Variants in NCAPH observed in about 807,000 individuals in gnomAD.
The protein encoded by NCAPH is condensin complex subunit 2.
NCAPH carries 38 observed loss-of-function variants against 85.5 expected under a neutral mutation model. That is an observed-to-expected ratio of 0.44 (90% confidence interval 0.34 to 0.58). NCAPH has a LOEUF of 0.58. Among genes scored for constraint, NCAPH ranks in the 20% least tolerant of loss-of-function variants. The pLI, the probability that NCAPH is intolerant of heterozygous loss-of-function variation, is 0.01. For synonymous variants in NCAPH, 301 were observed against 335.1 expected, an observed-to-expected ratio of 0.90 and a Z score of 1.11; for missense variants, 789 against 916.6, an observed-to-expected ratio of 0.86 and a Z score of 1.80.
intron 6 of NCAPH, 85 bp downstream of exon 6, chr2:96,344,314 G>C: frequency 6.8e-7 from 1 of 1,466,278 alleles, no homozygotes; most frequent in Non-Finnish European, 9.1e-7. Flanking sequence ...CTGCCTTGCT[G>C]GTATGTGCCT....
In NCAPH at chr2:96,366,005, G is replaced by A. The variant is rs1455101412; in HGVS notation, c.1828G>A (p.Gly610Arg). The A allele has an allele frequency of 3.1e-6, 5 of 1,614,086 alleles. No homozygotes were observed. The highest frequency in any genetic ancestry group is 2.7e-5 in the African/African-American group (2 of 74,920). ...QQNGDTPEAQ[G>R]LDITTYGESN... Reference sequence around the variant, plus strand: ...GAATGGTGACACTCCAGAAGCCCAAGGATTAGACATCACAACATATGGGGA... The same window carrying A: ...GAATGGTGACACTCCAGAAGCCCAAAGATTAGACATCACAACATATGGGGA... Residue 610 changes from glycine (G) to arginine (R), a missense_variant, in exon 14 of 18, where the codon GGA (glycine) becomes AGA (arginine). Physicochemically the swap from Gly to Arg is moderately radical, Grantham distance 125. Transcript: ENST00000240423.
chr2:96,345,743 G>GAT (rs911295678), intron 6 of NCAPH, among the ~76,000 whole-genome samples: 6 of 152,172 alleles, frequency 3.9e-5, no homozygotes, highest in African/African-American at 4.8e-5. Context: ...TGGGGAGAGA[G>GAT]ATATATATAG....
chr2:96,341,629 A>G lies in NCAPH; in HGVS notation c.20-13A>G. ...TTCTCTTGAAGGTTTCTTGAGCAAG[A>G]ATTTTGTTCCAGCACTGCCAGCCAC... On this transcript the variant is annotated splice_polypyrimidine_tract_variant and intron_variant, in intron 1 of 17. Transcript: ENST00000240423. 1 of 1,605,376 alleles carries G rather than the reference A, an allele frequency of 6.2e-7. No homozygotes were observed. The highest frequency in any genetic ancestry group is 8.5e-7 in the Non-Finnish European group (1 of 1,174,048).
chr2:96,366,660 C>T (rs1573095413), intron 14 of NCAPH, among the ~76,000 whole-genome samples: 1 of 151,978 alleles, frequency 6.6e-6, no homozygotes. Context: ...GGGCAGATCA[C>T]GATGTCAGGA....
At chr2:96,366,876 C>CAAA (rs928006104) in intron 14 of NCAPH, among the ~76,000 whole-genome samples, 74 of 37,264 alleles carry the variant, frequency 2.0e-3, no homozygotes, top group Non-Finnish European at 2.0e-3. Context: ...GACTCCGTCT[C>CAAA]AAAAAAAAAA....
rs796881318 is a variant in NCAPH at position 96,375,213 on chromosome 2, C to CA, written c.*1873dup. Among the ~76,000 whole-genome samples, 4,055 of 143,564 alleles carry CA rather than the reference C, an allele frequency of 0.028. 148 individuals are homozygous for CA. The highest frequency in any genetic ancestry group is 0.089 in the African/African-American group (3,532 of 39,564). The allele number at this position is 143,564 out of a possible 152,430, so 94.2% of individuals were successfully genotyped here. A position where few individuals can be genotyped will look rare whatever the true frequency, so the allele number is the denominator to read the frequency against. On this transcript the variant is annotated 3_prime_UTR_variant, in exon 18 of 18. Coordinates refer to ENST00000240423, the MANE Select transcript of NCAPH (RefSeq NM_015341.5). ...ACAGAGTGAGATCCTATCTCTTAAACAAAAAAAAAAACTGGCGAGTTCAAT... is the reference window on the plus strand; with the variant it reads ...ACAGAGTGAGATCCTATCTCTTAAACAAAAAAAAAAAACTGGCGAGTTCAAT...
intron 12 of NCAPH, 103 bp from the exon 13 acceptor site, chr2:96,364,378 A>G (rs1330452121): frequency 1.4e-6 from 1 of 734,004 alleles, no homozygotes; most frequent in African/African-American, 1.8e-5. Flanking sequence ...CTAAAATTGT[A>G]TAATTCTAGG....
intron 16 of NCAPH, 123 bp downstream of exon 16, chr2:96,369,186 G>C: frequency 9.3e-7 from 1 of 1,079,718 alleles, no homozygotes; most frequent in Non-Finnish European, 1.3e-6. Flanking sequence ...TTTTCTCTCT[G>C]TGTTGACAGA....
At chr2:96,353,423 G>A (rs1263747589) in intron 8 of NCAPH, 26 bp downstream of exon 8, 1 of 1,597,810 alleles carries the variant, frequency 6.3e-7, no homozygotes, top group South Asian at 1.1e-5. Flanking sequence ...AGTGGCTCAT[G>A]GTTTCAGTTA....
chr2:96,360,478 C>A, intron 11 of NCAPH, 110 bp from the exon 12 acceptor site: 1 of 1,264,914 alleles, frequency 7.9e-7, no homozygotes, highest in South Asian at 1.4e-5. Flanking sequence ...AACTGTGAGA[C>A]TGATGGTAGA....
At position 96,353,390 on chromosome 2, in the gene NCAPH, A is replaced by G. The variant is rs1041846178; in HGVS notation, c.995A>G (p.His332Arg). 3.1e-6 allele frequency: 5 copies of G among 1,613,854 alleles called. No homozygotes were observed. In the African/African-American group the frequency reaches 5.3e-5, roughly 17 times the overall value. ...TTTACACAGTGGGACAGTGAAACAC[A>G]TAATGAGGTGTGGTCAAGTTTTAGT... is the stretch of plus-strand genomic sequence containing the variant. ...FQFTQWDSET[H>R]NESVSALVDK... Residue 332 changes from histidine to arginine, a missense_variant, in exon 8 of 18, where the codon CAT (histidine) becomes CGT (arginine). Coordinates refer to ENST00000240423, the MANE Select transcript of NCAPH (RefSeq NM_015341.5).
chr2:96,371,060 T>C (rs186628933), intron 17 of NCAPH, among the ~76,000 whole-genome samples: 4 of 152,194 alleles, frequency 2.6e-5, no homozygotes, highest in Admixed American at 6.5e-5. Flanking sequence ...GCAAACTATA[T>C]GAAGAATGAC....
At chr2:96,354,499 CA>C in intron 9 of NCAPH, 111 bp downstream of exon 9, 1 of 946,634 alleles carries the variant, frequency 1.1e-6, no homozygotes, top group Non-Finnish European at 1.4e-6. Context: ...TTTCCCCCCC[CA>C]AAAATAGAGA....
At chr2:96,342,965 G>A (rs1273668802) in intron 4 of NCAPH, 117 bp downstream of exon 4, 1 of 1,165,922 alleles carries the variant, frequency 8.6e-7, no homozygotes, top group Non-Finnish European at 1.2e-6. Flanking sequence ...TAGATGTTAT[G>A]TTAGTTAATT....
At chr2:96,339,296 C>T (rs1273418121) in intron 1 of NCAPH, among the ~76,000 whole-genome samples, 2 of 152,152 alleles carry the variant, frequency 1.3e-5, no homozygotes, top group African/African-American at 4.8e-5. Flanking sequence ...CACCCTTTTA[C>T]AGTAGAAGTC....
In NCAPH at chr2:96,369,432, C is replaced by T. The variant is rs756788917; in HGVS notation, c.2098C>T (p.Pro700Ser). 8.7e-6 allele frequency: 14 copies of T among 1,614,086 alleles called. No individual in the cohort carries two copies. The highest frequency in any genetic ancestry group is 1.0e-5 in the Non-Finnish European group (12 of 1,179,954). The change falls in exon 17 of 18, where the codon CCT (proline) becomes TCT (serine). Residue 700 changes from proline (P) to serine (S), a missense_variant. Physicochemically the swap from Pro to Ser is moderately conservative, Grantham distance 74 (BLOSUM62 -1). Transcript: ENST00000240423. Reference protein sequence around the residue: ...LTKDLQRSLPPVMAQNLSIPL... With the variant: ...LTKDLQRSLPSVMAQNLSIPL... ...TTGCCCCTTTCTTTCCAGCCTGCCC[C>T]CTGTCATGGCTCAGAACCTCTCCAT...
At chr2:96,366,181 A>G (rs1450296928) in intron 14 of NCAPH, 123 bp downstream of exon 14, 7 of 1,127,318 alleles carry the variant, frequency 6.2e-6, no homozygotes, top group Non-Finnish European at 8.8e-6. Flanking sequence ...GTTGCTCTCC[A>G]AGTTTTAAAT....
intron 6 of NCAPH, 44 bp downstream of exon 6, chr2:96,344,273 C>A (rs2064334828): frequency 2.6e-6 from 4 of 1,555,192 alleles, no homozygotes; most frequent in Middle Eastern, 1.8e-4. Context: ...TAATTCAGAA[C>A]CTTAGGGGCT....
In NCAPH at chr2:96,343,210, G is replaced by A. The variant is rs1188411456; in HGVS notation, c.501G>A (p.Val167=). 6.2e-7 allele frequency: 1 copy of A among 1,614,196 alleles called. No individual in the cohort carries two copies. Among genetic ancestry groups the A allele is most frequent in the South Asian group, 1.1e-5 (1 of 91,084 alleles). The part of the protein sequence containing the change: ...TLDASTKIYA[V]RVDAVHADVY... ...ATGCCAGCACCAAGATCTATGCTGT[G>A]CGCGTGGATGCCGTCCATGCCGATG... The change falls in exon 5 of 18, where the codon GTG becomes GTA. Residue 167 remains valine, a synonymous_variant. Transcript: ENST00000240423.
Sources: allele counts gnomAD v4.1 joint callset (sites outside exome capture counted in the v4.1 genomes callset), GRCh38; gene constraint gnomAD v4.1.1; transcripts MANE v1.5; gene names NCBI Gene and HGNC (gene_info 2026-07-23, HGNC 2026-07-21).